The following PTPRN2 variants were observed in gnomAD, a reference collection of about 807,000 sequenced individuals.
The protein encoded by PTPRN2 is protein tyrosine phosphatase receptor type N2, also known as receptor-type tyrosine-protein phosphatase N2.
In PTPRN2, 74 loss-of-function variants were observed where a neutral mutation model predicts 118.8. The ratio of observed to expected loss-of-function variants is 0.62; its 90% CI spans 0.52 to 0.76. The LOEUF (loss-of-function observed/expected upper bound fraction) is 0.76, where lower values mean the gene tolerates loss of function less well. Among genes scored for constraint, PTPRN2 ranks in the 30% least tolerant of loss-of-function variants. The probability of loss-of-function intolerance (pLI) is 0.00; values close to 1 mark genes in which losing one functional copy is unlikely to be tolerated. For missense variants in PTPRN2, 1,481 were observed against 1,394.4 expected, an observed-to-expected ratio of 1.06 and a Z score of -0.99; for synonymous variants, 641 against 608.0, an observed-to-expected ratio of 1.05 and a Z score of -0.80.
chr7:157,668,146 G>A (rs899469676), intron 13 of PTPRN2, among the ~76,000 whole-genome samples: 3 of 152,264 alleles, frequency 2.0e-5, no homozygotes, highest in Admixed American at 6.5e-5. Flanking sequence ...GGCCCTGGGC[G>A]TGTCCGCAGA....
chr7:158,293,108 C>T (rs966292318), intron 3 of PTPRN2, among the ~76,000 whole-genome samples: 3 of 151,948 alleles, frequency 2.0e-5, no homozygotes, highest in African/African-American at 4.8e-5. Flanking sequence ...AGAGCACTGA[C>T]CATGAATGGA....
At chr7:158,006,714 AG>A (rs1805655089) in intron 11 of PTPRN2, among the ~76,000 whole-genome samples, 1 of 152,194 alleles carries the variant, frequency 6.6e-6, no homozygotes, top group Admixed American at 6.5e-5. Context: ...TGTCACTCAG[AG>A]GAAGGTAGGC....
At chr7:158,188,670 C>CGCTCGCCCCCTGATGGGGAAGGCCGCCAT (rs1563577940) in intron 5 of PTPRN2, among the ~76,000 whole-genome samples, 1 of 140,562 alleles carries the variant, frequency 7.1e-6, no homozygotes, top group Non-Finnish European at 1.5e-5. Flanking sequence ...AAGGCCGCCA[C>CGCTCGCCCCCTGATGGGGAAGGCCGCCAT]GCTCGCCCCC....
intron 2 of PTPRN2, among the ~76,000 whole-genome samples, chr7:158,429,286 C>T (rs936861139): frequency 6.6e-6 from 1 of 152,208 alleles, no homozygotes; most frequent in African/African-American, 2.4e-5. Flanking sequence ...GGGAAGAACA[C>T]GTTCCAGCAG....
chr7:157,628,906 A>T (rs1803766902), intron 14 of PTPRN2, among the ~76,000 whole-genome samples: 1 of 152,130 alleles, frequency 6.6e-6, no homozygotes. Context: ...TGAAGAGGGA[A>T]ATATTTCATG....
intron 2 of PTPRN2, among the ~76,000 whole-genome samples, chr7:158,319,419 C>CTTGT (rs1563131114): frequency 1.6e-5 from 1 of 61,282 alleles, no homozygotes; most frequent in Non-Finnish European, 3.1e-5. Context: ...CACAGCCTCC[C>CTTGT]ACACACACAC....
At chr7:158,254,643 G>A (rs1238115390) in intron 3 of PTPRN2, among the ~76,000 whole-genome samples, 1 of 141,058 alleles carries the variant, frequency 7.1e-6, no homozygotes, top group African/African-American at 2.7e-5. Flanking sequence ...CACTGCCCAC[G>A]GCACGACCCG....
intron 12 of PTPRN2, among the ~76,000 whole-genome samples, chr7:157,840,024 G>A (rs1221029576): frequency 2.0e-5 from 3 of 151,130 alleles, no homozygotes; most frequent in African/African-American, 7.3e-5. Context: ...CTGTGTGACT[G>A]TGTGTGACTG....
rs1408394975 is a variant in PTPRN2, at chr7:157,611,444, G to A, written c.2345-7369C>T. Among the ~76,000 whole-genome samples the A allele has an allele frequency of 6.6e-6, 1 of 152,174 alleles. No homozygotes were observed. Among genetic ancestry groups the A allele is most frequent in the African/African-American group, 2.4e-5 (1 of 41,440 alleles). On this transcript the variant is annotated intron_variant, in intron 15 of 22. Coordinates refer to ENST00000389418, the MANE Select transcript of PTPRN2 (RefSeq NM_002847.5). This position sits in a 1 kb window ranked among gnomAD's most constrained non-coding sequence, Gnocchi z 5.9. ...GGGGAACAGACGCCAAAGGTGTGTG[G>A]GGGTTGCCGTGGCCAGGCAGCGCCC...
intron 11 of PTPRN2, among the ~76,000 whole-genome samples, chr7:157,958,668 G>A (rs749232424): frequency 2.6e-5 from 4 of 152,104 alleles, no homozygotes; most frequent in Non-Finnish European, 2.9e-5. Flanking sequence ...CAATAGCATC[G>A]AAAGAATAAA....
chr7:157,862,472 C>T lies in PTPRN2; in HGVS notation c.1788+36201G>A, dbSNP rs1810311915. On this transcript the variant is annotated intron_variant, in intron 12 of 22. Transcript: ENST00000389418. ...TAATTGTTGTGCATTTATTGTATTTCTCCACTAGATTATTTACTAACTGGG... is the reference window on the plus strand; with the variant it reads ...TAATTGTTGTGCATTTATTGTATTTTTCCACTAGATTATTTACTAACTGGG... 2 of 152,244 alleles carry T rather than the reference C, an allele frequency of 1.3e-5. 1 individual carries two copies. The highest frequency in any genetic ancestry group is 4.1e-4 in the South Asian group (2 of 4,830). The allele number at this position is 152,244 out of a possible 1,614,324, so 9.4% of individuals were successfully genotyped here.
At chr7:158,039,250 A>G (rs756415625) in intron 11 of PTPRN2, among the ~76,000 whole-genome samples, 6 of 152,268 alleles carry the variant, frequency 3.9e-5, no homozygotes, top group Non-Finnish European at 7.3e-5. Context: ...GCATGAAACC[A>G]GTCATGAAAT....
At chr7:158,047,992 G>A (rs1809008170) in intron 11 of PTPRN2, among the ~76,000 whole-genome samples, 1 of 152,174 alleles carries the variant, frequency 6.6e-6, no homozygotes, top group Non-Finnish European at 1.5e-5. Context: ...GGCAGGAAGA[G>A]CTAGAATGGG....
At position 158,315,553 on chromosome 7, in the gene PTPRN2, C is replaced by A. The variant is rs374120231; in HGVS notation, c.277+1266G>T. Among the ~76,000 whole-genome samples the A allele has an allele frequency of 4.0e-4, 60 of 150,826 alleles. 2 individuals carry two copies. In the South Asian group the frequency reaches 0.012, roughly 31 times the overall value. Reference sequence around the variant, plus strand: ...TGAAGGACAGAGGTGAACCCGGGACCCCTGAAGAACAGAGGTGATTGGAAA... The same window carrying A: ...TGAAGGACAGAGGTGAACCCGGGACACCTGAAGAACAGAGGTGATTGGAAA... On this transcript the variant is annotated intron_variant, in intron 3 of 22. Transcript: ENST00000389418.
At chr7:158,207,636 GTC>G in intron 3 of PTPRN2, among the ~76,000 whole-genome samples, 1 of 152,248 alleles carries the variant, frequency 6.6e-6, no homozygotes, top group South Asian at 2.1e-4. Context: ...AGTGGGCAAA[GTC>G]TTTTCAAATA....
At chr7:158,198,465 T>A (rs1267912602) in intron 4 of PTPRN2, among the ~76,000 whole-genome samples, 1 of 152,248 alleles carries the variant, frequency 6.6e-6, no homozygotes, top group Non-Finnish European at 1.5e-5. Flanking sequence ...GTCTAGATTG[T>A]CACCCAGTTT....
chr7:157,907,001 C>A (rs547625613), intron 11 of PTPRN2, among the ~76,000 whole-genome samples: 1 of 152,200 alleles, frequency 6.6e-6, no homozygotes, highest in African/African-American at 2.4e-5. Context: ...CCTGAGATCC[C>A]GAGATCCTGA....
Position 157,621,395 on chromosome 7 carries a change from C to G in PTPRN2, c.2311G>C (p.Val771Leu). Residue 771 changes from valine to leucine, a missense_variant, in exon 15 of 23, where the codon GTG becomes CTG. Around this residue, in one of 3 missense-constraint regions of PTPRN2, gnomAD observed 362 missense variants for 384.1 expected, o/e 0.94. Transcript: ENST00000389418. Reference protein sequence around the residue: ...SSFVAQREENVPKNRSLAVLT... With the variant: ...SSFVAQREENLPKNRSLAVLT... ...ACGGCCAGGGAGCGGTTCTTGGGCA[C>G]GTTCTCCTCCCTCTGGGCCACGAAC... 2.5e-6 allele frequency: 4 copies of G among 1,614,010 alleles called. No homozygotes were observed. The highest frequency in any genetic ancestry group is 3.4e-6 in the Non-Finnish European group (4 of 1,179,980).
At position 157,560,832 on chromosome 7, in the gene PTPRN2, C is replaced by T. The variant is rs928802581; in HGVS notation, c.2902+8070G>A. ...TGAGGTCCCTTTCCCACTGGCCCTT[C>T]GTGTTTTCATGTTTCAGCCAAACAT... On this transcript the variant is annotated intron_variant, in intron 21 of 22. Coordinates refer to ENST00000389418, the MANE Select transcript of PTPRN2 (RefSeq NM_002847.5). The surrounding 1 kb of genome is among the most constrained non-coding windows in gnomAD (Gnocchi z 6.7). Among the ~76,000 whole-genome samples, 3 of 152,098 alleles carry T rather than the reference C, an allele frequency of 2.0e-5. No individual in the cohort carries two copies. The highest frequency in any genetic ancestry group is 2.0e-4 in the Admixed American group (3 of 15,272).
Sources: gnomAD v4.1 joint callset for allele counts (sites outside exome capture counted in the v4.1 genomes callset) on GRCh38, gnomAD v4.1.1 for gene constraint, gnomAD v4.1.1 regional missense constraint, Gnocchi (gnomAD v3.1) non-coding constraint, MANE v1.5 for transcripts, NCBI Gene and HGNC (gene_info 2026-07-23, HGNC 2026-07-21) for gene names.